The following NALF1 variants were observed in gnomAD, a reference collection of about 807,000 sequenced individuals.
The protein encoded by NALF1 is NALCN channel auxiliary factor 1.
A neutral mutation model predicts 48.4 loss-of-function variants in NALF1; 3 were observed. The observed-to-expected ratio is 0.06, with a 90% CI of 0.03 to 0.16. The LOEUF (loss-of-function observed/expected upper bound fraction) is 0.16, where lower values mean the gene tolerates loss of function less well. Ranked by LOEUF, NALF1 falls within the 10% of genes least tolerant of loss-of-function variation. NALF1 has a pLI of 1.00. For synonymous variants in NALF1, 262 were observed against 245.7 expected (o/e 1.07, Z -0.62); for missense variants, 526 against 571.5 (o/e 0.92, Z 0.81).
At chr13:107,260,496 T>C (rs1054851715) in intron 1 of NALF1, among the ~76,000 whole-genome samples, 1 of 152,236 alleles carries the variant, frequency 6.6e-6, no homozygotes, top group Admixed American at 6.5e-5. Context: ...AGCAGAGTTT[T>C]GATTTTCAGA....
intron 2 of NALF1, among the ~76,000 whole-genome samples, chr13:107,186,436 C>T (rs372786812): frequency 2.0e-5 from 3 of 152,242 alleles, no homozygotes; most frequent in East Asian, 1.9e-4. Context: ...GGCATGATCG[C>T]GGCTCACGGC....
chr13:107,228,033 G>T (rs74322650), intron 1 of NALF1, among the ~76,000 whole-genome samples: 1 of 152,124 alleles, frequency 6.6e-6, no homozygotes, highest in Non-Finnish European at 1.5e-5. Flanking sequence ...AATATGTTAT[G>T]TAAAGAGCAT....
At chr13:107,385,679 G>A (rs529878012) in intron 1 of NALF1, among the ~76,000 whole-genome samples, 1 of 152,164 alleles carries the variant, frequency 6.6e-6, no homozygotes, top group Admixed American at 6.5e-5. Flanking sequence ...AAATAACAAG[G>A]TATGCGGCTA....
At chr13:107,254,086 A>T (rs1439708775) in intron 1 of NALF1, among the ~76,000 whole-genome samples, 1 of 145,746 alleles carries the variant, frequency 6.9e-6, no homozygotes, top group Non-Finnish European at 1.5e-5. Context: ...TATTAAGCAC[A>T]CAGGAGCTTT....
intron 1 of NALF1, among the ~76,000 whole-genome samples, chr13:107,675,649 A>T (rs4551883): frequency 0.44 from 66,128 of 151,728 alleles, 15,202 homozygotes; most frequent in East Asian, 0.55. Flanking sequence ...AAGAAACGTG[A>T]ACCTAAGGTT....
intron 1 of NALF1, among the ~76,000 whole-genome samples, chr13:107,683,187 G>T (rs1028570124): frequency 6.6e-6 from 1 of 152,182 alleles, no homozygotes; most frequent in Non-Finnish European, 1.5e-5. Context: ...GGTCGAGGCT[G>T]CAGTGAGCTG....
At chr13:107,425,055 C>G (rs1300179021) in intron 1 of NALF1, among the ~76,000 whole-genome samples, 1 of 152,178 alleles carries the variant, frequency 6.6e-6, no homozygotes, top group Admixed American at 6.5e-5. Flanking sequence ...ACCACGTCTT[C>G]TCTAGCAAAT....
intron 1 of NALF1, among the ~76,000 whole-genome samples, chr13:107,839,625 G>C (rs1007544347): frequency 3.3e-5 from 5 of 151,544 alleles, no homozygotes; most frequent in Non-Finnish European, 7.4e-5. Context: ...CAGTGAGAAA[G>C]CAGCAGAGTA....
intron 1 of NALF1, among the ~76,000 whole-genome samples, chr13:107,713,201 C>A (rs538562245): frequency 2.0e-5 from 3 of 152,318 alleles, no homozygotes; most frequent in African/African-American, 7.2e-5. Flanking sequence ...TCTAAGCCCC[C>A]TCTCCCTTCA....
At chr13:107,416,669 T>C (rs1374565417) in intron 1 of NALF1, among the ~76,000 whole-genome samples, 1 of 152,190 alleles carries the variant, frequency 6.6e-6, no homozygotes, top group African/African-American at 2.4e-5. Context: ...TGGTCAACAG[T>C]AGACTATTAG....
At chr13:107,535,470 T>C (rs1275586175) in intron 1 of NALF1, among the ~76,000 whole-genome samples, 1 of 152,114 alleles carries the variant, frequency 6.6e-6, no homozygotes, top group East Asian at 1.9e-4. Flanking sequence ...TGAACTCCCA[T>C]TCACAATTGC....
intron 1 of NALF1, among the ~76,000 whole-genome samples, chr13:107,391,723 G>C (rs1883630672): frequency 6.6e-6 from 1 of 152,094 alleles, no homozygotes; most frequent in Non-Finnish European, 1.5e-5. Context: ...ACCAGAAAAT[G>C]TTTAAATTTA....
At chr13:107,439,832 C>T (rs1038845660) in intron 1 of NALF1, among the ~76,000 whole-genome samples, 1 of 152,032 alleles carries the variant, frequency 6.6e-6, no homozygotes, top group Non-Finnish European at 1.5e-5. Context: ...ATAAATTTAC[C>T]TGGAATATTG....
intron 1 of NALF1, among the ~76,000 whole-genome samples, chr13:107,671,865 T>C (rs1007399979): frequency 5.9e-5 from 9 of 152,172 alleles, no homozygotes; most frequent in Non-Finnish European, 1.3e-4. Context: ...TATATTAAAA[T>C]GTGAGTAGCT....
chr13:107,853,238 T>C (rs949327054), intron 1 of NALF1, among the ~76,000 whole-genome samples: 3 of 152,180 alleles, frequency 2.0e-5, no homozygotes, highest in Non-Finnish European at 4.4e-5. Context: ...CTAAAGTTGA[T>C]ATTGTGAGAA....
Position 107,274,464 on chromosome 13 carries a change from AG to A in NALF1, c.916-63710del, listed in dbSNP as rs1881238723. On this transcript the variant is annotated intron_variant, in intron 1 of 2. Transcript: ENST00000375915. ...GCAGTGCCAACTCCATGGGAAGTTC[AG>A]GCAGGCGGATGGCTTGAGCCCAGGA... Among the ~76,000 whole-genome samples the A allele has an allele frequency of 3.3e-5, 5 of 152,182 alleles. No individual in the cohort carries two copies. The South Asian group carries it at 1.0e-3, about 32-fold the overall frequency.
At chr13:107,234,504 C>T (rs946848495) in intron 1 of NALF1, among the ~76,000 whole-genome samples, 1 of 152,106 alleles carries the variant, frequency 6.6e-6, no homozygotes, top group African/African-American at 2.4e-5. Context: ...GGACAGCCAG[C>T]CCCGGCAGGG....
intron 1 of NALF1, among the ~76,000 whole-genome samples, chr13:107,779,129 T>C (rs571829955): frequency 1.1e-4 from 17 of 152,354 alleles, no homozygotes; most frequent in Non-Finnish European, 1.8e-4. Flanking sequence ...AGCTTTATGC[T>C]TTTCTCATGC....
At chr13:107,506,836 A>G (rs545794061) in intron 1 of NALF1, among the ~76,000 whole-genome samples, 1 of 152,042 alleles carries the variant, frequency 6.6e-6, no homozygotes, top group Non-Finnish European at 1.5e-5. Context: ...TAATACTGCT[A>G]TGAACATTCA....
Sources: gnomAD v4.1 joint callset for allele counts (sites outside exome capture counted in the v4.1 genomes callset) on GRCh38, gnomAD v4.1.1 for gene constraint, MANE v1.5 for transcripts, NCBI Gene and HGNC (gene_info 2026-07-23, HGNC 2026-07-21) for gene names.